EPS15L1: variants seen among roughly 807,000 people sequenced by gnomAD.
The protein encoded by EPS15L1 is epidermal growth factor receptor substrate 15-like 1.
EPS15L1 carries 43 observed loss-of-function variants against 117.1 expected under a neutral mutation model. The observed-to-expected ratio is 0.37, with a 90% confidence interval of 0.29 to 0.47. The LOEUF (loss-of-function observed/expected upper bound fraction) is 0.47. EPS15L1 is among the 20% of genes least tolerant of loss of function. The probability of loss-of-function intolerance (pLI) is 0.99; values close to 1 mark genes in which losing one functional copy is unlikely to be tolerated. For missense variants in EPS15L1, 981 were observed against 1,164.0 expected (o/e 0.84, Z 2.29); for synonymous variants, 459 against 470.5 (o/e 0.98, Z 0.32).
At chr19:16,441,802 T>G in intron 3 of EPS15L1, 90 bp downstream of exon 3, 1 of 1,003,602 alleles carries the variant, frequency 1.0e-6, no homozygotes, top group Non-Finnish European at 1.5e-6. Flanking sequence ...CCGGGCCCCA[T>G]GGAAGGAGGC....
chr19:16,417,556 G>T lies in EPS15L1; in HGVS notation c.1189C>A (p.Gln397Lys). The T allele has an allele frequency of 1.2e-6, 2 of 1,613,638 alleles. No homozygotes were observed. Among genetic ancestry groups the T allele is most frequent in the Non-Finnish European group, 1.7e-6 (2 of 1,179,598 alleles). Residue 397 changes from glutamine to lysine, a missense_variant, in exon 12 of 24, where the codon CAA becomes AAA. Transcript: ENST00000455140. ...DDISQEIAQL[Q>K]REKYSLEQDI... is the part of the protein sequence containing the mutation. ...GAAGGGCCGTTTCCAACATACCTTT[G>T]TAACTGGGCAATCTCTTGACTGATG... is the stretch of plus-strand genomic sequence containing the variant.
intron 4 of EPS15L1, among the ~76,000 whole-genome samples, chr19:16,439,740 C>G (rs975141946): frequency 1.7e-4 from 26 of 151,518 alleles, no homozygotes; most frequent in Non-Finnish European, 2.7e-4. Context: ...CACCATGAAC[C>G]TCAAAGAAGG....
chr19:16,448,467 T>C (rs2093106634), intron 1 of EPS15L1, among the ~76,000 whole-genome samples: 1 of 140,692 alleles, frequency 7.1e-6, no homozygotes, highest in Admixed American at 7.1e-5. Context: ...GAGATGGAGG[T>C]TGAGGTGAGC....
At chr19:16,428,851 G>T in intron 7 of EPS15L1, 90 bp from the exon 8 acceptor site, 4 of 996,062 alleles carry the variant, frequency 4.0e-6, no homozygotes, top group Non-Finnish European at 4.7e-6. Context: ...CTCAGCCGTG[G>T]CACTCACTGG....
chr19:16,420,674 C>T (rs1489226512), intron 10 of EPS15L1, among the ~76,000 whole-genome samples: 1 of 152,248 alleles, frequency 6.6e-6, no homozygotes, highest in East Asian at 1.9e-4. Flanking sequence ...TGATAGCTCC[C>T]AAGTGAAGCC....
intron 1 of EPS15L1, among the ~76,000 whole-genome samples, chr19:16,453,763 G>A (rs539695268): frequency 6.6e-6 from 1 of 152,038 alleles, no homozygotes; most frequent in African/African-American, 2.4e-5. Context: ...CACTACCAGG[G>A]TGACAGGATC....
chr19:16,391,700 C>G (rs1026295639), intron 19 of EPS15L1, among the ~76,000 whole-genome samples: 6 of 149,716 alleles, frequency 4.0e-5, no homozygotes, highest in Admixed American at 3.3e-4. Flanking sequence ...ATGCAAAATA[C>G]CCGGTGTCTG....
rs1255509317 is a variant in EPS15L1 at position 16,355,295 on chromosome 19, A to G, written c.*410T>C. The G allele has an allele frequency of 2.7e-5, 5 of 183,568 alleles. No homozygotes were observed. The highest frequency in any genetic ancestry group is 5.5e-5 in the Non-Finnish European group (5 of 90,546). 11.4% of individuals were successfully genotyped at this position (183,568 alleles called of 1,614,324 possible). A position where few individuals can be genotyped will look rare whatever the true frequency, so the allele number is the denominator to read the frequency against. On this transcript the variant is annotated 3_prime_UTR_variant, in exon 24 of 24. Coordinates refer to ENST00000455140, the MANE Select transcript of EPS15L1 (RefSeq NM_001258374.3). Reference sequence around the variant, plus strand: ...TAATCATTCAAACTTCATTTTATACAACGAGTGCATACACCACTGGGGGAG... The same window carrying G: ...TAATCATTCAAACTTCATTTTATACGACGAGTGCATACACCACTGGGGGAG...
At chr19:16,428,947 C>T (rs1345259400) in intron 7 of EPS15L1, among the ~76,000 whole-genome samples, 186 bp from the exon 8 acceptor site, 1 of 152,134 alleles carries the variant, frequency 6.6e-6, no homozygotes, top group Non-Finnish European at 1.5e-5. Flanking sequence ...CTGTCAACTA[C>T]CAGATCTGTG....
chr19:16,395,513 G>A, intron 16 of EPS15L1, 46 bp from the exon 17 acceptor site: 1 of 1,590,976 alleles, frequency 6.3e-7, no homozygotes, highest in Non-Finnish European at 8.6e-7. Flanking sequence ...TTATTTCTGA[G>A]TTAAAGCAAA....
intron 1 of EPS15L1, among the ~76,000 whole-genome samples, chr19:16,445,791 C>T (rs1391243773): frequency 1.3e-5 from 2 of 152,102 alleles, no homozygotes; most frequent in South Asian, 2.1e-4. Context: ...AGAGAGGGGA[C>T]GCACCAGGGG....
intron 9 of EPS15L1, among the ~76,000 whole-genome samples, chr19:16,422,183 C>G (rs1249299826): frequency 6.6e-6 from 1 of 152,208 alleles, no homozygotes; most frequent in Non-Finnish European, 1.5e-5. Flanking sequence ...GCTGCACGTG[C>G]GACCCCTCTC....
intron 16 of EPS15L1, among the ~76,000 whole-genome samples, chr19:16,396,992 T>C (rs2092547385): frequency 6.6e-6 from 1 of 152,200 alleles, no homozygotes; most frequent in African/African-American, 2.4e-5. Context: ...GAAAACGTTC[T>C]AGAGCTGGGT....
At chr19:16,355,873 T>C in intron 23 of EPS15L1, 22 bp from the exon 24 acceptor site, 6 of 1,532,320 alleles carry the variant, frequency 3.9e-6, no homozygotes, top group Non-Finnish European at 5.2e-6. Context: ...AAACGGAGAG[T>C]GGGTGATGTG....
At chr19:16,364,367 T>C (rs2092103520) in intron 22 of EPS15L1, among the ~76,000 whole-genome samples, 2 of 152,220 alleles carry the variant, frequency 1.3e-5, no homozygotes, top group African/African-American at 4.8e-5. Context: ...CGACAGCGCC[T>C]GCCCTCTCAG....
intron 21 of EPS15L1, among the ~76,000 whole-genome samples, chr19:16,380,111 C>T (rs897646767): frequency 2.0e-5 from 3 of 151,678 alleles, no homozygotes; most frequent in East Asian, 2.0e-4. Context: ...TACACAGATG[C>T]GGCCGTCTAA....
chr19:16,452,216 T>C (rs75819996), intron 1 of EPS15L1, among the ~76,000 whole-genome samples: 57,275 of 149,094 alleles, frequency 0.38, 11,869 homozygotes, highest in African/African-American at 0.56. Context: ...GAGGCTGAGG[T>C]GGGTAGATCA....
chr19:16,406,210 G>A (rs956472324), intron 13 of EPS15L1, among the ~76,000 whole-genome samples: 3 of 152,106 alleles, frequency 2.0e-5, no homozygotes, highest in African/African-American at 4.8e-5. Flanking sequence ...TCCCTGCCTC[G>A]ATAGGCAAAT....
chr19:16,430,910 G>C (rs888621236), intron 7 of EPS15L1, among the ~76,000 whole-genome samples: 1 of 152,226 alleles, frequency 6.6e-6, no homozygotes, highest in African/African-American at 2.4e-5. Context: ...GGGATGCGGA[G>C]GGACATGGGT....
Sources: gnomAD v4.1 joint callset for allele counts (sites outside exome capture counted in the v4.1 genomes callset) on GRCh38, gnomAD v4.1.1 for gene constraint, MANE v1.5 for transcripts, NCBI Gene and HGNC (gene_info 2026-07-23, HGNC 2026-07-21) for gene names.